DGKI: variants seen among roughly 807,000 people sequenced by gnomAD.
DGKI encodes DAG kinase iota.
In DGKI, 55 loss-of-function variants were observed where a neutral mutation model predicts 147.5. The ratio of observed to expected loss-of-function variants is 0.37; its 90% CI spans 0.30 to 0.47. The LOEUF (loss-of-function observed/expected upper bound fraction) is 0.47, where lower values mean the gene tolerates loss of function less well. Among genes scored for constraint, DGKI ranks in the 20% least tolerant of loss-of-function variants. DGKI has a pLI of 1.00. For synonymous variants in DGKI, 469 were observed against 477.1 expected (o/e 0.98, Z 0.22); for missense variants, 1,007 against 1,323.8 (o/e 0.76, Z 3.71).
chr7:137,638,582 A>G (rs1821474358), intron 6 of DGKI, among the ~76,000 whole-genome samples: 1 of 85,242 alleles, frequency 1.2e-5, no homozygotes, highest in Non-Finnish European at 2.3e-5. Context: ...ATATGTATAT[A>G]TACACATATA....
intron 2 of DGKI, among the ~76,000 whole-genome samples, chr7:137,686,484 G>A (rs929274566): frequency 2.6e-5 from 4 of 152,206 alleles, no homozygotes; most frequent in Non-Finnish European, 2.9e-5. Context: ...CAAAGAATGA[G>A]CCCATGTGGG....
chr7:137,563,658 T>C (rs1267478746), intron 19 of DGKI, among the ~76,000 whole-genome samples: 1 of 146,580 alleles, frequency 6.8e-6, no homozygotes, highest in Admixed American at 6.8e-5. Context: ...TTCTATATAT[T>C]AGCAATAATT....
In DGKI at chr7:137,493,920, A is replaced by G; in HGVS notation, c.2249-6231T>C. The G allele has an allele frequency of 1.0e-5, 6 of 600,154 alleles. No individual in the cohort carries two copies. In the Middle Eastern group the frequency reaches 1.0e-3, roughly 103 times the overall value. The allele number at this position is 600,154 out of a possible 1,614,324, so 37.2% of individuals were successfully genotyped here. The stretch of plus-strand genomic sequence containing the variant: ...GAGAAAGTTAACACCCAATCCAAAA[A>G]TTCTAAAGAATACAATAAAATGATA... On this transcript the variant is annotated intron_variant, in intron 21 of 32. Coordinates refer to ENST00000614521, the MANE Select transcript of DGKI (RefSeq NM_001321708.2).
At chr7:137,649,510 C>T (rs1218243255) in intron 5 of DGKI, among the ~76,000 whole-genome samples, 1 of 152,094 alleles carries the variant, frequency 6.6e-6, no homozygotes. Context: ...AGGGCTATTA[C>T]TTACAGGTGT....
In DGKI at chr7:137,388,923, T is replaced by C. The variant is rs1811262988; in HGVS notation, c.*2297A>G. ...TTGGAGCTATTTAGAAATTGGCCCA[T>C]AGCCACCTGTACCCTAAATTTTCTC... On this transcript the variant is annotated 3_prime_UTR_variant, in exon 33 of 33. Transcript: ENST00000614521. 6.6e-6 allele frequency: 1 copy of C among 152,022 alleles called. No homozygotes were observed. 9.4% of individuals were successfully genotyped at this position (152,022 alleles called of 1,614,324 possible).
intron 4 of DGKI, among the ~76,000 whole-genome samples, chr7:137,655,131 G>A (rs767733964): frequency 9.9e-5 from 15 of 151,904 alleles, no homozygotes; most frequent in Non-Finnish European, 1.9e-4. Context: ...GTTTCTGATT[G>A]TAAAAGTAGA....
At chr7:137,405,518 T>C (rs1290246579) in intron 30 of DGKI, among the ~76,000 whole-genome samples, 2 of 152,216 alleles carry the variant, frequency 1.3e-5, no homozygotes, top group Non-Finnish European at 2.9e-5. Flanking sequence ...ATTGTTCACT[T>C]TAAACTGCAG....
intron 30 of DGKI, among the ~76,000 whole-genome samples, chr7:137,406,281 G>A (rs190124994): frequency 6.6e-6 from 1 of 152,224 alleles, no homozygotes; most frequent in African/African-American, 2.4e-5. Context: ...TATTAGTGTG[G>A]CTTCACTCTT....
intron 27 of DGKI, among the ~76,000 whole-genome samples, chr7:137,452,446 C>T (rs1016901876): frequency 6.6e-6 from 1 of 152,244 alleles, no homozygotes; most frequent in Non-Finnish European, 1.5e-5. Context: ...AGACACCGTG[C>T]TCCTTCTACA....
chr7:137,679,724 A>C (rs1412255377), intron 2 of DGKI, among the ~76,000 whole-genome samples: 1 of 152,094 alleles, frequency 6.6e-6, no homozygotes, highest in African/African-American at 2.4e-5. Flanking sequence ...ACGGTGGCTC[A>C]CACCTGTAAT....
At chr7:137,820,926 A>T (rs1797878652) in intron 1 of DGKI, among the ~76,000 whole-genome samples, 1 of 152,014 alleles carries the variant, frequency 6.6e-6, no homozygotes, top group African/African-American at 2.4e-5. Flanking sequence ...TCCTCTGAAA[A>T]TGTCAGAGCA....
chr7:137,645,048 A>G (rs1451394813), intron 6 of DGKI, among the ~76,000 whole-genome samples: 1 of 152,220 alleles, frequency 6.6e-6, no homozygotes, highest in Non-Finnish European at 1.5e-5. Flanking sequence ...AGGGAGCAAC[A>G]CATTTCTAGC....
chr7:137,418,993 T>A (rs1812460995), intron 28 of DGKI, among the ~76,000 whole-genome samples: 1 of 152,214 alleles, frequency 6.6e-6, no homozygotes, highest in Non-Finnish European at 1.5e-5. Context: ...ATGAGGAAAG[T>A]AGGGCTTGAG....
intron 1 of DGKI, among the ~76,000 whole-genome samples, chr7:137,707,237 G>A (rs934694491): frequency 3.9e-5 from 6 of 152,152 alleles, no homozygotes; most frequent in South Asian, 2.1e-4. Context: ...TCACCTATGC[G>A]GATTCCTCTA....
chr7:137,617,627 G>T (rs1030722015), intron 8 of DGKI, among the ~76,000 whole-genome samples: 3 of 151,930 alleles, frequency 2.0e-5, no homozygotes, highest in African/African-American at 7.3e-5. Context: ...GGGTAGATGG[G>T]GTGAGGCCAG....
intron 1 of DGKI, among the ~76,000 whole-genome samples, chr7:137,821,183 A>G (rs1797886239): frequency 6.6e-6 from 1 of 152,202 alleles, no homozygotes; most frequent in Non-Finnish European, 1.5e-5. Flanking sequence ...TACAGAGAAG[A>G]GCATTGTTCC....
At chr7:137,714,976 T>C (rs1794333257) in intron 1 of DGKI, among the ~76,000 whole-genome samples, 1 of 152,212 alleles carries the variant, frequency 6.6e-6, no homozygotes, top group South Asian at 2.1e-4. Flanking sequence ...GCATTCATAT[T>C]GTTATCCTCC....
rs1211571958 is a variant in DGKI, at chr7:137,381,805, T to C, written c.*9415A>G. 6.6e-6 allele frequency: 1 copy of C among 152,094 alleles called. No homozygotes were observed. Among genetic ancestry groups the C allele is most frequent in the East Asian group, 1.9e-4 (1 of 5,196 alleles). 9.4% of individuals were successfully genotyped at this position (152,094 alleles called of 1,614,324 possible). A position where few individuals can be genotyped will look rare whatever the true frequency, so the allele number is the denominator to read the frequency against. On this transcript the variant is annotated 3_prime_UTR_variant, in exon 33 of 33. Transcript: ENST00000614521. Reference sequence around the variant, plus strand: ...TTTCAAAGATGTGTTTTGCAAAATATTCTGTTGTGTTAGAATATTTTGTCT... The same window carrying C: ...TTTCAAAGATGTGTTTTGCAAAATACTCTGTTGTGTTAGAATATTTTGTCT...
chr7:137,745,805 A>T (rs1416009051), intron 1 of DGKI, among the ~76,000 whole-genome samples: 1 of 152,224 alleles, frequency 6.6e-6, no homozygotes, highest in African/African-American at 2.4e-5. Context: ...TGCTGAGGTT[A>T]CTAAGATCTA....
Sources: gnomAD v4.1 joint callset for allele counts (sites outside exome capture counted in the v4.1 genomes callset) on GRCh38, gnomAD v4.1.1 for gene constraint, MANE v1.5 for transcripts, NCBI Gene and HGNC (gene_info 2026-07-23, HGNC 2026-07-21) for gene names.